MALT1: variants seen among roughly 807,000 people sequenced by gnomAD.
The protein encoded by MALT1 is mucosa-associated lymphoid tissue lymphoma translocation protein 1.
Under a neutral mutation model 85.5 loss-of-function variants are expected in MALT1, and 36 were observed. The observed-to-expected ratio is 0.42, with a 90% CI of 0.32 to 0.56. MALT1 has a LOEUF of 0.56. Among genes scored for constraint, MALT1 ranks in the 20% least tolerant of loss-of-function variants. The pLI, the probability that MALT1 is intolerant of heterozygous loss-of-function variation, is 0.10. For synonymous variants in MALT1, 359 were observed against 361.3 expected (o/e 0.99, Z 0.07); for missense variants, 716 against 981.6 (o/e 0.73, Z 3.62).
At chr18:58,727,126 C>T (rs750879887) in intron 10 of MALT1, among the ~76,000 whole-genome samples, 9 of 152,126 alleles carry the variant, frequency 5.9e-5, no homozygotes, top group Non-Finnish European at 8.8e-5. Context: ...TTATTGTTGT[C>T]GTTTCCTGTC....
chr18:58,750,355 A>G lies in MALT1; in HGVS notation c.*2513A>G, dbSNP rs1190929613. ...CCCAAATTAGTCTACATATTCAACAATTCCTATCAAAATCCTAGCTGTATT... is the reference window on the plus strand; with the variant it reads ...CCCAAATTAGTCTACATATTCAACAGTTCCTATCAAAATCCTAGCTGTATT... On this transcript the variant is annotated 3_prime_UTR_variant, in exon 17 of 17. Transcript: ENST00000649217. 2 of 154,122 alleles carry G rather than the reference A, an allele frequency of 1.3e-5. No homozygotes were observed. Among genetic ancestry groups the G allele is most frequent in the African/African-American group, 4.8e-5 (2 of 41,522 alleles). 9.5% of individuals were successfully genotyped at this position (154,122 alleles called of 1,614,324 possible).
rs1018911877 is a variant in MALT1, at chr18:58,748,503, G to A, written c.*661G>A. 2.2e-5 allele frequency: 4 copies of A among 184,874 alleles called. No homozygotes were observed. Among genetic ancestry groups the A allele is most frequent in the African/African-American group, 9.4e-5 (4 of 42,764 alleles). 11.5% of individuals were successfully genotyped at this position (184,874 alleles called of 1,614,324 possible). A position where few individuals can be genotyped will look rare whatever the true frequency, so the allele number is the denominator to read the frequency against. On this transcript the variant is annotated 3_prime_UTR_variant, in exon 17 of 17. Transcript: ENST00000649217. ...AGTTAAGAGGTTTGTATATAAATCT[G>A]TTATAGAACAGGCTGAAATTTCTTG...
chr18:58,734,635 A>G (rs1316614939), intron 12 of MALT1: 3 of 393,790 alleles, frequency 7.6e-6, no homozygotes, highest in Non-Finnish European at 1.4e-5. Flanking sequence ...AAATACCTAT[A>G]GACATGTAGG....
At chr18:58,683,304 T>C (rs769855795) in intron 2 of MALT1, among the ~76,000 whole-genome samples, 18 of 152,250 alleles carry the variant, frequency 1.2e-4, no homozygotes, top group Non-Finnish European at 2.4e-4. Context: ...AAATATAACA[T>C]GTATTTCATT....
At chr18:58,703,969 A>G (rs192790674) in intron 4 of MALT1, among the ~76,000 whole-genome samples, 17 of 152,236 alleles carry the variant, frequency 1.1e-4, no homozygotes, top group African/African-American at 4.1e-4. Flanking sequence ...ACTCAGCATA[A>G]TGTTTTTAAA....
At chr18:58,681,122 A>G (rs2054316806) in intron 1 of MALT1, 48 bp from the exon 2 acceptor site, 1 of 1,576,980 alleles carries the variant, frequency 6.3e-7, no homozygotes, top group South Asian at 1.1e-5. Context: ...TAGCAGGTGT[A>G]TCATGTGGAA....
intron 2 of MALT1, among the ~76,000 whole-genome samples, chr18:58,682,975 A>G (rs2144314975): frequency 6.6e-6 from 1 of 152,184 alleles, no homozygotes; most frequent in East Asian, 1.9e-4. Context: ...ACTAGCTGCT[A>G]ATGCCACCCT....
chr18:58,703,849 T>C (rs751183799), intron 4 of MALT1, among the ~76,000 whole-genome samples: 22 of 152,248 alleles, frequency 1.4e-4, no homozygotes, highest in Admixed American at 2.6e-4. Context: ...AATGTACAGA[T>C]ACGTGTACAG....
At chr18:58,729,650 T>C (rs1446595728) in intron 10 of MALT1, among the ~76,000 whole-genome samples, 1 of 152,152 alleles carries the variant, frequency 6.6e-6, no homozygotes, top group East Asian at 1.9e-4. Context: ...CACTTAAAGT[T>C]GTTATATGGA....
At chr18:58,705,056 T>C (rs1296462800) in intron 4 of MALT1, among the ~76,000 whole-genome samples, 4 of 152,194 alleles carry the variant, frequency 2.6e-5, no homozygotes, top group African/African-American at 9.7e-5. Context: ...AAAAAGCATT[T>C]TTTAATATTC....
chr18:58,699,963 C>T (rs2144360442), intron 3 of MALT1, among the ~76,000 whole-genome samples: 1 of 152,312 alleles, frequency 6.6e-6, no homozygotes, highest in African/African-American at 2.4e-5. Context: ...CAGAATTTTG[C>T]AGATCAGAAG....
chr18:58,718,057 T>G (rs2054929124), intron 9 of MALT1, among the ~76,000 whole-genome samples: 1 of 152,166 alleles, frequency 6.6e-6, no homozygotes, highest in South Asian at 2.1e-4. Context: ...AGTGAAATGT[T>G]TAATTTAACC....
intron 1 of MALT1, among the ~76,000 whole-genome samples, chr18:58,676,125 C>T (rs1602269125): frequency 1.3e-5 from 2 of 152,190 alleles, no homozygotes; most frequent in South Asian, 4.1e-4. Flanking sequence ...CCAGTAGCCA[C>T]TTAACTTCTC....
intron 14 of MALT1, among the ~76,000 whole-genome samples, chr18:58,742,855 G>A (rs1281368591): frequency 6.6e-6 from 1 of 152,180 alleles, no homozygotes. Flanking sequence ...CACTTGATCA[G>A]TAAGTTGAGT....
chr18:58,745,680 T>A lies in MALT1; in HGVS notation c.1926T>A (p.Asp642Glu). The change falls in exon 16 of 17, where the codon GAT becomes GAA. Residue 642 changes from aspartate (D) to glutamate (E), a missense_variant. Asp to Glu is a conservative substitution (Grantham distance 45, BLOSUM62 2). Around this residue, in one of 4 missense-constraint regions of MALT1, gnomAD observed 260 missense variants for 323.7 expected, o/e 0.80. Coordinates refer to ENST00000649217, the MANE Select transcript of MALT1 (RefSeq NM_006785.4). ...TTTTTTTACAGGATCTAGATATTGA[T>A]CCAAAAGATGCAAATAAAGGCACAC... Reference protein sequence around the residue: ...VTDFPLDLDIDPKDANKGTPE... With the variant: ...VTDFPLDLDIEPKDANKGTPE... The A allele has an allele frequency of 6.2e-7, 1 of 1,612,968 alleles. No individual in the cohort carries two copies. The highest frequency in any genetic ancestry group is 1.1e-5 in the South Asian group (1 of 90,936).
chr18:58,677,908 A>T (rs1289774681), intron 1 of MALT1, among the ~76,000 whole-genome samples: 1 of 152,226 alleles, frequency 6.6e-6, no homozygotes, highest in East Asian at 1.9e-4. Flanking sequence ...TTACCAAAAT[A>T]ATAGTTACTC....
In MALT1 at chr18:58,747,663, GGTAATCCAA is replaced by G; in HGVS notation, c.2302_2310del (p.Pro768_Asn770del). The G allele has an allele frequency of 6.2e-7, 1 of 1,614,128 alleles. No individual in the cohort carries two copies. Among genetic ancestry groups the G allele is most frequent in the Non-Finnish European group, 8.5e-7 (1 of 1,180,028 alleles). ...CCATGGTGTTTACCATTCACATCCT[GGTAATCCAA>G]GTAATGTTACACCAGCAGATAGCTG... On this transcript the variant is annotated inframe_deletion, in exon 17 of 17. Coordinates refer to ENST00000649217, the MANE Select transcript of MALT1 (RefSeq NM_006785.4).
At chr18:58,739,227 CTGTTTAGAATTTTCATAT>C (rs1376519054) in intron 13 of MALT1, among the ~76,000 whole-genome samples, 4 of 151,966 alleles carry the variant, frequency 2.6e-5, no homozygotes, top group African/African-American at 7.3e-5. Flanking sequence ...TGCCATCATT[CTGTTTAGAATTTTCATAT>C]CTATATTCAT....
chr18:58,677,823 A>C (rs1271765426), intron 1 of MALT1, among the ~76,000 whole-genome samples: 6 of 152,236 alleles, frequency 3.9e-5, no homozygotes, highest in Non-Finnish European at 8.8e-5. Flanking sequence ...ATATAATAAA[A>C]TTGAACTAGG....
Sources: allele counts gnomAD v4.1 joint callset (sites outside exome capture counted in the v4.1 genomes callset), GRCh38; gene constraint gnomAD v4.1.1; regional missense constraint gnomAD v4.1.1; transcripts MANE v1.5; gene names NCBI Gene and HGNC (gene_info 2026-07-23, HGNC 2026-07-21).